FAT3: variants seen among roughly 807,000 people sequenced by gnomAD.
FAT3 encodes protocadherin Fat 3.
In FAT3, 95 loss-of-function variants were observed where a neutral mutation model predicts 310.2. The ratio of observed to expected loss-of-function variants is 0.31; its 90% CI spans 0.26 to 0.36. The LOEUF (loss-of-function observed/expected upper bound fraction) is 0.36, where lower values mean the gene tolerates loss of function less well. FAT3 is among the 10% of genes least tolerant of loss of function. FAT3 has a pLI of 1.00. For synonymous variants in FAT3, 2,314 were observed against 2,192.9 expected, an observed-to-expected ratio of 1.06 and a Z score of -1.54; for missense variants, 5,408 against 5,715.6, an observed-to-expected ratio of 0.95 and a Z score of 1.74.
intron 4 of FAT3, among the ~76,000 whole-genome samples, chr11:92,724,090 G>A (rs1367554654): frequency 2.0e-5 from 3 of 152,218 alleles, no homozygotes; most frequent in Non-Finnish European, 4.4e-5. Flanking sequence ...TGGGTGGGTT[G>A]TTGGTGGGTT....
At chr11:92,404,348 A>G (rs1950092552) in intron 2 of FAT3, among the ~76,000 whole-genome samples, 1 of 152,118 alleles carries the variant, frequency 6.6e-6, no homozygotes, top group Non-Finnish European at 1.5e-5. Context: ...GGATAGCCAG[A>G]AGAAGGAGTG....
chr11:92,349,019 G>A (rs1417515972), intron 1 of FAT3, among the ~76,000 whole-genome samples: 1 of 152,116 alleles, frequency 6.6e-6, no homozygotes. Flanking sequence ...GAAGTTCAAA[G>A]TGTGAATGAG....
chr11:92,461,806 T>C (rs1951645347), intron 2 of FAT3, among the ~76,000 whole-genome samples: 2 of 152,162 alleles, frequency 1.3e-5, no homozygotes, highest in South Asian at 4.1e-4. Flanking sequence ...ATGACGGTGT[T>C]TAGAAGACAT....
chr11:92,890,414 C>T (rs1228026757), intron 27 of FAT3, 77 bp from the exon 28 acceptor site: 12 of 1,499,428 alleles, frequency 8.0e-6, no homozygotes, highest in African/African-American at 4.2e-5. Context: ...CATGTCAGGT[C>T]CCTTCCCTGC....
At chr11:92,794,967 T>C (rs937605010) in intron 9 of FAT3, among the ~76,000 whole-genome samples, 7 of 152,238 alleles carry the variant, frequency 4.6e-5, no homozygotes, top group Non-Finnish European at 7.3e-5. Context: ...TAAAGTATTA[T>C]GTTTTATTTA....
intron 3 of FAT3, among the ~76,000 whole-genome samples, chr11:92,614,663 CT>C: frequency 6.6e-6 from 1 of 152,192 alleles, no homozygotes; most frequent in African/African-American, 2.4e-5. Context: ...AATGCATTGT[CT>C]TTTCACTTTC....
chr11:92,473,087 C>T (rs918427770), intron 2 of FAT3, among the ~76,000 whole-genome samples: 1 of 152,170 alleles, frequency 6.6e-6, no homozygotes, highest in Non-Finnish European at 1.5e-5. Context: ...TGCAGCCTCC[C>T]GTATGCTCCT....
chr11:92,585,583 G>A (rs1481988276), intron 3 of FAT3, among the ~76,000 whole-genome samples: 2 of 151,968 alleles, frequency 1.3e-5, no homozygotes, highest in Non-Finnish European at 2.9e-5. Flanking sequence ...TTACATGTAT[G>A]AACATGTTAA....
intron 1 of FAT3, among the ~76,000 whole-genome samples, chr11:92,347,121 TA>T (rs1460593874): frequency 6.6e-6 from 1 of 152,206 alleles, no homozygotes; most frequent in Non-Finnish European, 1.5e-5. Flanking sequence ...CCTGGGGTTG[TA>T]AAGCTAGTAA....
chr11:92,300,562 GC>G (rs199863343), intron 1 of FAT3, among the ~76,000 whole-genome samples: 2,477 of 152,144 alleles, frequency 0.016, 67 homozygotes, highest in African/African-American at 0.056. Context: ...TTTCAGAGAG[GC>G]CTTCCTTAAC....
intron 2 of FAT3, among the ~76,000 whole-genome samples, chr11:92,361,477 T>G (rs1027857588): frequency 6.6e-6 from 1 of 152,052 alleles, no homozygotes; most frequent in African/African-American, 2.4e-5. Flanking sequence ...TGAATGGGAT[T>G]AATGCCCTGA....
chr11:92,539,303 G>T (rs1163012821), intron 3 of FAT3, among the ~76,000 whole-genome samples: 1 of 152,118 alleles, frequency 6.6e-6, no homozygotes, highest in Non-Finnish European at 1.5e-5. Flanking sequence ...ATGACTTTCA[G>T]TTTAAAATGG....
intron 2 of FAT3, among the ~76,000 whole-genome samples, chr11:92,420,793 T>G (rs1950519222): frequency 6.6e-6 from 1 of 152,144 alleles, no homozygotes; most frequent in Non-Finnish European, 1.5e-5. Context: ...AAGGAACACT[T>G]GATTCCCAAT....
At chr11:92,762,438 A>T (rs1166674144) in intron 5 of FAT3, among the ~76,000 whole-genome samples, 1 of 151,728 alleles carries the variant, frequency 6.6e-6, no homozygotes, top group Non-Finnish European at 1.5e-5. Context: ...ATACTCAACC[A>T]CTCTTTCTGC....
chr11:92,682,950 TG>T (rs1476305048), intron 3 of FAT3, among the ~76,000 whole-genome samples: 1 of 151,842 alleles, frequency 6.6e-6, no homozygotes, highest in Non-Finnish European at 1.5e-5. Flanking sequence ...TGGTGGTGCA[TG>T]CCTCTCATCC....
chr11:92,682,312 A>T (rs1319597484), intron 3 of FAT3, among the ~76,000 whole-genome samples: 1 of 152,240 alleles, frequency 6.6e-6, no homozygotes, highest in African/African-American at 2.4e-5. Flanking sequence ...AGACAATTTA[A>T]TTGGTTGTTA....
chr11:92,831,568 G>A (rs148385303), intron 13 of FAT3, 54 bp from the exon 14 acceptor site: 504 of 1,493,262 alleles, frequency 3.4e-4, no homozygotes, highest in Non-Finnish European at 4.3e-4. Context: ...ACATTCTAGT[G>A]CAGATCATCT....
chr11:92,537,518 G>A (rs77160291), intron 3 of FAT3, among the ~76,000 whole-genome samples: 2,179 of 152,120 alleles, frequency 0.014, 53 homozygotes, highest in African/African-American at 0.05. Context: ...GTTAGATTGG[G>A]GTAGACACTA....
intron 1 of FAT3, among the ~76,000 whole-genome samples, chr11:92,238,144 G>C (rs962290700): frequency 6.6e-6 from 1 of 152,122 alleles, no homozygotes; most frequent in Non-Finnish European, 1.5e-5. Context: ...TACTGGGAAA[G>C]GAGGAGGGTT....
Sources: gnomAD v4.1 joint callset for allele counts (sites outside exome capture counted in the v4.1 genomes callset) on GRCh38, gnomAD v4.1.1 for gene constraint, MANE v1.5 for transcripts, NCBI Gene and HGNC (gene_info 2026-07-23, HGNC 2026-07-21) for gene names.